ERG: variants seen among roughly 807,000 people sequenced by gnomAD.
ERG encodes the protein ETS transcription factor ERG.
A neutral mutation model predicts 55.3 loss-of-function variants in ERG; 9 were observed. That is an observed-to-expected ratio of 0.16 (90% CI 0.10 to 0.28). The LOEUF is 0.28. Ranked by LOEUF, ERG falls within the 10% of genes least tolerant of loss-of-function variation. ERG has a pLI of 1.00. For synonymous variants in ERG, 223 were observed against 237.3 expected (o/e 0.94, Z 0.55); for missense variants, 434 against 631.6 (o/e 0.69, Z 3.35).
At chr21:38,573,765 C>T (rs1358931180) in intron 2 of ERG, among the ~76,000 whole-genome samples, 2 of 152,192 alleles carry the variant, frequency 1.3e-5, no homozygotes, top group South Asian at 2.1e-4. Context: ...GAGCGCCGGT[C>T]CCCTGAGCCC....
At chr21:38,432,399 A>C (rs1990256536) in intron 2 of ERG, among the ~76,000 whole-genome samples, 1 of 152,132 alleles carries the variant, frequency 6.6e-6, no homozygotes, top group Admixed American at 6.5e-5. Flanking sequence ...GAAACCCCTA[A>C]TTTCTAGATT....
chr21:38,409,488 T>TAAAA (rs71330329), intron 3 of ERG, among the ~76,000 whole-genome samples: 1,773 of 78,890 alleles, frequency 0.022, 110 homozygotes, highest in African/African-American at 0.085. Context: ...CTCCGTCTCA[T>TAAAA]AAAAAAAAAA....
In ERG at chr21:38,582,486, C is replaced by T. The variant is rs924728189; in HGVS notation, c.-127+2358G>A. On this transcript the variant is annotated intron_variant, in intron 1 of 8. Transcript: ENST00000398897. ...ATAAAAAATTTGTAAAACCTCCAAA[C>T]GATGTTCAGCAATTCACAAAGGTGT... 2.6e-5 allele frequency among the ~76,000 whole-genome samples: 4 copies of T among 152,186 alleles called. No homozygotes were observed. In the East Asian group the frequency reaches 5.8e-4, roughly 22 times the overall value.
intron 1 of ERG, among the ~76,000 whole-genome samples, chr21:38,650,388 C>T (rs1441723551): frequency 6.6e-6 from 1 of 152,006 alleles, no homozygotes; most frequent in Non-Finnish European, 1.5e-5. Context: ...GTAATCCCAA[C>T]ACTTTGGGAG....
intron 1 of ERG, among the ~76,000 whole-genome samples, chr21:38,649,643 G>A (rs540897419): frequency 7.9e-5 from 12 of 152,268 alleles, no homozygotes; most frequent in Admixed American, 7.2e-4. Flanking sequence ...ACTCTGATAC[G>A]AAACTGCAAT....
chr21:38,491,386 AC>A (rs1352010140), intron 1 of ERG, among the ~76,000 whole-genome samples: 1 of 152,208 alleles, frequency 6.6e-6, no homozygotes, highest in Non-Finnish European at 1.5e-5. Flanking sequence ...AATTTAAAAA[AC>A]AAAAAAACCA....
chr21:38,528,650 T>G (rs1189427413), intron 2 of ERG, among the ~76,000 whole-genome samples: 2 of 48,520 alleles, frequency 4.1e-5, no homozygotes, highest in East Asian at 3.0e-4. Context: ...GGGTTTCACC[T>G]TGTTAGCCAG....
At chr21:38,564,659 A>G (rs2059912360) in intron 2 of ERG, among the ~76,000 whole-genome samples, 1 of 151,828 alleles carries the variant, frequency 6.6e-6, no homozygotes, top group Non-Finnish European at 1.5e-5. Flanking sequence ...GAAGGTCACA[A>G]TGATGTCCAG....
At chr21:38,515,819 G>C (rs2059547529) in intron 2 of ERG, among the ~76,000 whole-genome samples, 1 of 151,918 alleles carries the variant, frequency 6.6e-6, no homozygotes, top group Non-Finnish European at 1.5e-5. Context: ...GAGATGCAAG[G>C]ATGGTTCAAC....
chr21:38,563,395 G>T (rs1489520124), intron 2 of ERG, among the ~76,000 whole-genome samples: 1 of 152,156 alleles, frequency 6.6e-6, no homozygotes, highest in Admixed American at 6.5e-5. Context: ...GTATGTATAG[G>T]GGCAGGAATT....
intron 1 of ERG, among the ~76,000 whole-genome samples, chr21:38,639,950 C>G (rs962660329): frequency 6.6e-6 from 1 of 152,120 alleles, no homozygotes; most frequent in Non-Finnish European, 1.5e-5. Flanking sequence ...TGGAAACAGC[C>G]GGTTCCATCT....
At chr21:38,633,878 G>GAAAAAAA in intron 1 of ERG, among the ~76,000 whole-genome samples, 1 of 148,198 alleles carries the variant, frequency 6.7e-6, no homozygotes, top group East Asian at 2.0e-4. Context: ...CAGTTGATAT[G>GAAAAAAA]AAAAAAAAAA....
At chr21:38,641,365 C>A (rs1181598187) in intron 1 of ERG, among the ~76,000 whole-genome samples, 1 of 152,182 alleles carries the variant, frequency 6.6e-6, no homozygotes. Context: ...GACAACAAAC[C>A]TGCCAGTGCC....
chr21:38,582,044 C>CAAAAAAAAAAAAAAAAAAAAAAAAAAAA (rs35717235), intron 1 of ERG, among the ~76,000 whole-genome samples: 1 of 87,944 alleles, frequency 1.1e-5, no homozygotes, highest in Non-Finnish European at 2.3e-5. Flanking sequence ...CTCCATCTCA[C>CAAAAAAAAAAAAAAAAAAAAAAAAAAAA]AAAAAAAAAA....
chr21:38,442,320 G>A (rs906635795), intron 2 of ERG, among the ~76,000 whole-genome samples: 2 of 140,190 alleles, frequency 1.4e-5, no homozygotes, highest in Non-Finnish European at 3.1e-5. Flanking sequence ...CTTGAACCCC[G>A]GGGGGTGGAG....
chr21:38,467,409 G>GT (rs2059100788), intron 1 of ERG, among the ~76,000 whole-genome samples: 1 of 152,200 alleles, frequency 6.6e-6, no homozygotes, highest in Non-Finnish European at 1.5e-5. Context: ...AAACCAAAGT[G>GT]TGCAAAAACA....
intron 2 of ERG, among the ~76,000 whole-genome samples, chr21:38,550,374 T>C (rs909070347): frequency 6.6e-6 from 1 of 152,170 alleles, no homozygotes; most frequent in Non-Finnish European, 1.5e-5. Flanking sequence ...AATGTGTGTG[T>C]GCCCCCAAAA....
intron 1 of ERG, among the ~76,000 whole-genome samples, chr21:38,645,303 T>C (rs758920841): frequency 6.6e-6 from 1 of 152,244 alleles, no homozygotes; most frequent in Non-Finnish European, 1.5e-5. Context: ...AAGTGTGAAC[T>C]ATGGCTATAG....
intron 2 of ERG, among the ~76,000 whole-genome samples, chr21:38,564,763 C>T (rs146206040): frequency 1.7e-3 from 260 of 152,124 alleles, no homozygotes; most frequent in Non-Finnish European, 2.9e-3. Context: ...CTCTTCTCAG[C>T]TCCTCTGTAG....
Sources: allele counts gnomAD v4.1 joint callset (sites outside exome capture counted in the v4.1 genomes callset), GRCh38; gene constraint gnomAD v4.1.1; transcripts MANE v1.5; gene names NCBI Gene and HGNC (gene_info 2026-07-23, HGNC 2026-07-21).